UBE4B: variants seen among roughly 807,000 people sequenced by gnomAD.
UBE4B encodes the protein ubiquitin conjugation factor E4 B.
A neutral mutation model predicts 148.1 loss-of-function variants in UBE4B; 27 were observed. The observed-to-expected ratio is 0.18, with a 90% CI of 0.13 to 0.25. The LOEUF (loss-of-function observed/expected upper bound fraction) is 0.25, where lower values mean the gene tolerates loss of function less well. UBE4B is among the 10% of genes least tolerant of loss of function. The pLI, the probability that UBE4B is intolerant of heterozygous loss-of-function variation, is 1.00. For missense variants in UBE4B, 1,170 were observed against 1,662.4 expected, an observed-to-expected ratio of 0.70 and a Z score of 5.15; for synonymous variants, 596 against 619.3, an observed-to-expected ratio of 0.96 and a Z score of 0.56.
At chr1:10,129,477 T>G in intron 12 of UBE4B, 29 bp downstream of exon 12, 1 of 1,599,816 alleles carries the variant, frequency 6.3e-7, no homozygotes, top group Non-Finnish European at 8.6e-7. Context: ...GGCTTGCACA[T>G]TTTCAGTGAA....
Position 10,047,187 on chromosome 1 carries a change from G to A in UBE4B, c.24+13493G>A, listed in dbSNP as rs138381889. Among the ~76,000 whole-genome samples the A allele has an allele frequency of 5.8e-3, 881 of 152,314 alleles. 22 individuals are homozygous for A. In the South Asian group the frequency reaches 0.063, roughly 11 times the overall value. ...GCTTCCAGATTCTGTGTATTAGTTA[G>A]GATATTGATTTGACTGCTGTGGCAG... On this transcript the variant is annotated intron_variant, in intron 1 of 27. Coordinates refer to ENST00000343090, the MANE Select transcript of UBE4B (RefSeq NM_001105562.3).
intron 25 of UBE4B, among the ~76,000 whole-genome samples, chr1:10,175,304 T>C (rs1288666122): frequency 6.6e-6 from 1 of 152,158 alleles, no homozygotes; most frequent in Non-Finnish European, 1.5e-5. Flanking sequence ...AAGCATTGTC[T>C]GTTAACACCA....
At chr1:10,159,066 T>G (rs1485139669) in intron 22 of UBE4B, among the ~76,000 whole-genome samples, 1 of 150,148 alleles carries the variant, frequency 6.7e-6, no homozygotes, top group Admixed American at 6.6e-5. Flanking sequence ...AGATGATGGG[T>G]TAAGTGTTTT....
chr1:10,035,420 G>A (rs1355758471), intron 1 of UBE4B, among the ~76,000 whole-genome samples: 4 of 125,996 alleles, frequency 3.2e-5, no homozygotes, highest in Non-Finnish European at 6.6e-5. Flanking sequence ...TTTTTGAGGC[G>A]GAGTCTCGCT....
intron 1 of UBE4B, chr1:10,059,451 T>G (rs1644243012): frequency 4.7e-6 from 1 of 212,968 alleles, no homozygotes. Flanking sequence ...TTGAGGCTCC[T>G]GGCAGCAGCT....
Position 10,161,575 on chromosome 1 carries a change from A to G in UBE4B, c.3198+289A>G, listed in dbSNP as rs919622504. Among the ~76,000 whole-genome samples, 1 of 152,206 alleles carries G rather than the reference A, an allele frequency of 6.6e-6. No individual in the cohort carries two copies. Among genetic ancestry groups the G allele is most frequent in the African/African-American group, 2.4e-5 (1 of 41,452 alleles). ...AGATGAGCTTTTATTGTCTGAATAT[A>G]TTAATATTCATGAACATAATTAGGA... On this transcript the variant is annotated intron_variant, in intron 23 of 27. Transcript: ENST00000343090. The surrounding 1 kb of genome is among the most constrained non-coding windows in gnomAD (Gnocchi z 4.1).
At chr1:10,055,048 A>G (rs1404545677) in intron 1 of UBE4B, among the ~76,000 whole-genome samples, 1 of 152,072 alleles carries the variant, frequency 6.6e-6, no homozygotes, top group African/African-American at 2.4e-5. Context: ...GGCCTCCCAA[A>G]GTGCTGAGAT....
chr1:10,126,963 T>A (rs1570939913), intron 11 of UBE4B, 86 bp downstream of exon 11: 1 of 1,180,862 alleles, frequency 8.5e-7, no homozygotes, highest in East Asian at 2.4e-5. Flanking sequence ...TTCAGGTCCA[T>A]GAGATCAACC....
intron 1 of UBE4B, among the ~76,000 whole-genome samples, chr1:10,046,643 G>T (rs1643917275): frequency 6.6e-6 from 1 of 152,088 alleles, no homozygotes; most frequent in Non-Finnish European, 1.5e-5. Context: ...CTTGTGCCTG[G>T]CCCTCTGTAG....
chr1:10,067,536 C>T (rs1644411019), intron 1 of UBE4B, among the ~76,000 whole-genome samples: 1 of 151,632 alleles, frequency 6.6e-6, no homozygotes, highest in South Asian at 2.1e-4. Context: ...TGTGTTGTGA[C>T]TATTTTTTGG....
Position 10,106,334 on chromosome 1 carries a change from C to T in UBE4B, c.947C>T (p.Ala316Val). 1 of 1,614,086 alleles carries T rather than the reference C, an allele frequency of 6.2e-7. No homozygotes were observed. Among genetic ancestry groups the T allele is most frequent in the Non-Finnish European group, 8.5e-7 (1 of 1,179,950 alleles). ...ACTCCCCTCAGTCCTCACAGTGCAG[C>T]CTCTGGAACTGCTGCGGGAAGCCAG... ...PSTPLSPHSA[A>V]SGTAAGSQPS... The change falls in exon 7 of 28, where the codon GCC becomes GTC. Residue 316 changes from alanine (A) to valine (V), a missense_variant. Physicochemically the swap from Ala to Val is moderately conservative, Grantham distance 64. This residue lies in a region of UBE4B where 214 missense variants were observed against 209.1 expected (regional missense o/e 1.02). Transcript: ENST00000343090. This position sits in a 1 kb window ranked among gnomAD's most constrained non-coding sequence, Gnocchi z 4.2.
rs780504581 is a variant in UBE4B, at chr1:10,117,533, C to G, written c.1271C>G (p.Thr424Arg). ...TTCACCATTGAAACCTGCAAAGAGA[C>G]AGATATGCTGAACTACCTCATCGAG... Reference protein sequence around the residue: ...DHFTIETCKETDMLNYLIECF... With the variant: ...DHFTIETCKERDMLNYLIECF... Residue 424 changes from threonine to arginine, a missense_variant, in exon 8 of 28, where the codon ACA (threonine) becomes AGA (arginine). This residue lies in a region of UBE4B where 388 missense variants were observed against 536.0 expected (regional missense o/e 0.72). Coordinates refer to ENST00000343090, the MANE Select transcript of UBE4B (RefSeq NM_001105562.3). The G allele has an allele frequency of 6.2e-7, 1 of 1,611,122 alleles. No homozygotes were observed. The highest frequency in any genetic ancestry group is 8.5e-7 in the Non-Finnish European group (1 of 1,179,182).
chr1:10,066,735 G>T (rs575307550), intron 1 of UBE4B, among the ~76,000 whole-genome samples: 68 of 151,772 alleles, frequency 4.5e-4, no homozygotes, highest in Non-Finnish European at 8.5e-4. Flanking sequence ...GTGAAACCTC[G>T]ACTCTACTAA....
Position 10,178,050 on chromosome 1 carries a change from G to A in UBE4B, c.3526-594G>A, listed in dbSNP as rs529095529. ...GGACATAAATCGTGTCTGTTCCCAG[G>A]CCTATTCATCAGTTCACCAGGGTGG... On this transcript the variant is annotated intron_variant, in intron 25 of 27. Transcript: ENST00000343090. Among the ~76,000 whole-genome samples, 6 of 152,150 alleles carry A rather than the reference G, an allele frequency of 3.9e-5. No individual in the cohort carries two copies. In the East Asian group the frequency reaches 7.7e-4, roughly 20 times the overall value.
intron 1 of UBE4B, among the ~76,000 whole-genome samples, chr1:10,045,069 A>T (rs1339506261): frequency 1.3e-5 from 2 of 152,184 alleles, no homozygotes; most frequent in Non-Finnish European, 2.9e-5. Flanking sequence ...TGCAATGTAG[A>T]TCCCTCGCGT....
At chr1:10,063,272 A>C (rs1644322096) in intron 1 of UBE4B, among the ~76,000 whole-genome samples, 1 of 152,226 alleles carries the variant, frequency 6.6e-6, no homozygotes, top group Non-Finnish European at 1.5e-5. Flanking sequence ...CCTATCTCAA[A>C]AAAACAAAAA....
intron 1 of UBE4B, among the ~76,000 whole-genome samples, chr1:10,035,801 G>C (rs888874553): frequency 3.6e-4 from 54 of 149,332 alleles, no homozygotes; most frequent in African/African-American, 1.3e-3. Context: ...AGAGTGCAGT[G>C]GCGCGATCTC....
chr1:10,155,496 A>C (rs1477919964), intron 21 of UBE4B, among the ~76,000 whole-genome samples: 1 of 152,176 alleles, frequency 6.6e-6, no homozygotes, highest in Non-Finnish European at 1.5e-5. Context: ...CCCCCTGGCT[A>C]CTGTGCTGGT....
rs35822677 is a variant in UBE4B at position 10,118,868 on chromosome 1, C to CTTTTTTTTTTTT, written c.1339-623_1339-612dup. Among the ~76,000 whole-genome samples, 11 of 23,090 alleles carry CTTTTTTTTTTTT rather than the reference C, an allele frequency of 4.8e-4. 4 individuals are homozygous for CTTTTTTTTTTTT. Among genetic ancestry groups the CTTTTTTTTTTTT allele is most frequent in the African/African-American group, 1.7e-3 (8 of 4,692 alleles). The allele number at this position is 23,090 out of a possible 152,430, so 15.1% of individuals were successfully genotyped here. ...GTTTCACCATGTTGGCCAGGCTGGT[C>CTTTTTTTTTTTT]TTTTTTTTTTTTTTTTTTTTTTTTT... On this transcript the variant is annotated intron_variant, in intron 8 of 27. Transcript: ENST00000343090.
Sources: gnomAD v4.1 joint callset for allele counts (sites outside exome capture counted in the v4.1 genomes callset) on GRCh38, gnomAD v4.1.1 for gene constraint, gnomAD v4.1.1 regional missense constraint, Gnocchi (gnomAD v3.1) non-coding constraint, MANE v1.5 for transcripts, NCBI Gene and HGNC (gene_info 2026-07-23, HGNC 2026-07-21) for gene names.